LGR5: variants seen among roughly 807,000 people sequenced by gnomAD.
LGR5 encodes leucine rich repeat containing G protein-coupled receptor 5.
LGR5 carries 54 observed loss-of-function variants against 76.7 expected under a neutral mutation model. The ratio of observed to expected loss-of-function variants is 0.70; its 90% CI spans 0.57 to 0.88. The LOEUF (loss-of-function observed/expected upper bound fraction) is 0.88. Among genes scored for constraint, LGR5 ranks in the 40% least tolerant of loss-of-function variants. LGR5 has a pLI of 0.00. For synonymous variants in LGR5, 406 were observed against 421.9 expected (o/e 0.96, Z 0.46); for missense variants, 1,078 against 1,073.3 (o/e 1.00, Z -0.06).
chr12:71,568,789 G>A (rs1878469131), intron 11 of LGR5, among the ~76,000 whole-genome samples: 1 of 152,108 alleles, frequency 6.6e-6, no homozygotes, highest in Non-Finnish European at 1.5e-5. Flanking sequence ...TCTCCCCTTT[G>A]GCTAACTCAT....
At chr12:71,519,909 C>T (rs2137332825) in intron 2 of LGR5, among the ~76,000 whole-genome samples, 1 of 151,248 alleles carries the variant, frequency 6.6e-6, no homozygotes, top group Non-Finnish European at 1.5e-5. Context: ...CAATAAATAC[C>T]ATGGGATATT....
At chr12:71,496,370 C>CAAAAA (rs67593850) in intron 1 of LGR5, among the ~76,000 whole-genome samples, 74 of 99,482 alleles carry the variant, frequency 7.4e-4, no homozygotes, top group African/African-American at 1.6e-3. Context: ...TCCATCTCAA[C>CAAAAA]AAAAAAAAAA....
In LGR5 at chr12:71,504,650, G is replaced by A. The variant is rs17109769; in HGVS notation, c.249G>A (p.Pro83=). 3.8e-4 allele frequency: 618 copies of A among 1,613,914 alleles called. 1 individual carries two copies. In the African/African-American group the frequency reaches 7.2e-3, roughly 19 times the overall value. The stretch of plus-strand genomic sequence containing the variant: ...TGAACAACATCAGTCAGCTGCTCCC[G>A]AATCCCCTGCCCAGTCTCCGCTTCC... The part of the protein sequence containing the change: ...LSMNNISQLL[P]NPLPSLRFLE... The change falls in exon 2 of 18, where the codon CCG becomes CCA. Residue 83 remains proline (P), a synonymous_variant. Coordinates refer to ENST00000266674, the MANE Select transcript of LGR5 (RefSeq NM_003667.4).
rs151098233 is a variant in LGR5 at position 71,440,325 on chromosome 12, G to T, written c.212+33G>T. Reference sequence around the variant, plus strand: ...CTTCCCCACGTCACTCCGGGAGAGAGACTAAGAGGGGAAGGAAGGTTCGTC... The same window carrying T: ...CTTCCCCACGTCACTCCGGGAGAGATACTAAGAGGGGAAGGAAGGTTCGTC... On this transcript the variant is annotated intron_variant, in intron 1 of 17. Transcript: ENST00000266674. The surrounding 1 kb of genome is among the most constrained non-coding windows in gnomAD (Gnocchi z 5.3). 1.1e-5 allele frequency: 18 copies of T among 1,587,354 alleles called. No homozygotes were observed. In the East Asian group the frequency reaches 2.9e-4, roughly 26 times the overall value.
At chr12:71,530,540 T>G (rs569376348) in intron 3 of LGR5, among the ~76,000 whole-genome samples, 25 of 152,322 alleles carry the variant, frequency 1.6e-4, no homozygotes, top group African/African-American at 6.0e-4. Context: ...CTAGGTCTGT[T>G]TTACATTTAC....
chr12:71,482,503 A>G (rs1246631926), intron 1 of LGR5, among the ~76,000 whole-genome samples: 1 of 151,944 alleles, frequency 6.6e-6, no homozygotes, highest in Non-Finnish European at 1.5e-5. Flanking sequence ...CACTCTAATG[A>G]CCTTATTTAA....
At position 71,510,907 on chromosome 12, in the gene LGR5, C is replaced by CA. The variant is rs201335773; in HGVS notation, c.284+6230dup. ...AGAACGTGATGTGTTTGTGGAGCTGCAAAAAAAATCAGTATGGCTGGAGCA... is the reference window on the plus strand; with the variant it reads ...AGAACGTGATGTGTTTGTGGAGCTGCAAAAAAAAATCAGTATGGCTGGAGCA... On this transcript the variant is annotated intron_variant, in intron 2 of 17. Transcript: ENST00000266674. Among the ~76,000 whole-genome samples, 259 of 151,194 alleles carry CA rather than the reference C, an allele frequency of 1.7e-3. 2 individuals are homozygous for CA. The highest frequency in any genetic ancestry group is 5.4e-3 in the African/African-American group (223 of 41,218).
At chr12:71,476,796 A>T (rs948328510) in intron 1 of LGR5, among the ~76,000 whole-genome samples, 1 of 152,220 alleles carries the variant, frequency 6.6e-6, no homozygotes, top group African/African-American at 2.4e-5. Flanking sequence ...GACTACAAGC[A>T]AAGTTATGGA....
intron 1 of LGR5, among the ~76,000 whole-genome samples, chr12:71,453,947 C>A (rs4132612): frequency 0.8 from 122,095 of 151,892 alleles, 49,275 homozygotes; most frequent in African/African-American, 0.87. Context: ...AATGATGTGA[C>A]TCTGTGTAGG....
intron 1 of LGR5, among the ~76,000 whole-genome samples, chr12:71,478,093 C>T (rs1488180660): frequency 6.6e-6 from 1 of 152,106 alleles, no homozygotes; most frequent in African/African-American, 2.4e-5. Context: ...TTGGATATAA[C>T]TTACACTGAC....
At chr12:71,510,179 C>T (rs1368823525) in intron 2 of LGR5, among the ~76,000 whole-genome samples, 3 of 152,154 alleles carry the variant, frequency 2.0e-5, no homozygotes, top group African/African-American at 7.2e-5. Context: ...CTTCAGGCCC[C>T]TTGGCCTTCT....
intron 4 of LGR5, among the ~76,000 whole-genome samples, chr12:71,543,187 C>A (rs1185454779): frequency 1.3e-5 from 2 of 152,190 alleles, no homozygotes; most frequent in African/African-American, 4.8e-5. Flanking sequence ...AAGATCAGTT[C>A]ATCTCCCCTA....
intron 8 of LGR5, among the ~76,000 whole-genome samples, chr12:71,562,836 C>T (rs74101880): frequency 0.022 from 3,417 of 152,080 alleles, 144 homozygotes; most frequent in African/African-American, 0.077. Flanking sequence ...ACTGGAGTGA[C>T]GGGCTTTCTG....
At chr12:71,475,987 A>G (rs2137251284) in intron 1 of LGR5, among the ~76,000 whole-genome samples, 1 of 152,226 alleles carries the variant, frequency 6.6e-6, no homozygotes, top group South Asian at 2.1e-4. Flanking sequence ...AAAATCACTG[A>G]TATGTTGGGG....
At chr12:71,559,545 T>A in intron 6 of LGR5, 41 bp from the exon 7 acceptor site, 1 of 1,133,904 alleles carries the variant, frequency 8.8e-7, no homozygotes, top group Non-Finnish European at 1.3e-6. Flanking sequence ...ATATATGAAG[T>A]TTTAAATAAA....
At chr12:71,520,169 A>C (rs1205677465) in intron 2 of LGR5, among the ~76,000 whole-genome samples, 1 of 152,218 alleles carries the variant, frequency 6.6e-6, no homozygotes, top group Admixed American at 6.5e-5. Context: ...TAACAGATGA[A>C]GGGATAAACA....
chr12:71,566,755 T>A (rs1286551674), intron 10 of LGR5, 55 bp downstream of exon 10: 1 of 1,560,038 alleles, frequency 6.4e-7, no homozygotes, highest in East Asian at 2.2e-5. Flanking sequence ...CCATTAGAGC[T>A]TGATCAGTCT....
chr12:71,479,945 T>C (rs192935518), intron 1 of LGR5, among the ~76,000 whole-genome samples: 130 of 152,252 alleles, frequency 8.5e-4, no homozygotes, highest in African/African-American at 2.6e-3. Context: ...CAGGAATCCA[T>C]TGGAGAATTT....
intron 1 of LGR5, among the ~76,000 whole-genome samples, chr12:71,498,656 C>T (rs532938805): frequency 6.6e-6 from 1 of 152,302 alleles, no homozygotes; most frequent in Admixed American, 6.5e-5. Context: ...CTCCAAATAT[C>T]ACCACTTTAG....
Sources: gnomAD v4.1 joint callset for allele counts (sites outside exome capture counted in the v4.1 genomes callset) on GRCh38, gnomAD v4.1.1 for gene constraint, Gnocchi (gnomAD v3.1) non-coding constraint, MANE v1.5 for transcripts, NCBI Gene and HGNC (gene_info 2026-07-23, HGNC 2026-07-21) for gene names.